ABLIM2: variants seen among roughly 807,000 people sequenced by gnomAD.
The protein encoded by ABLIM2 is actin binding LIM protein family member 2, also known as actin-binding LIM protein 2.
Under a neutral mutation model 97.7 loss-of-function variants are expected in ABLIM2, and 53 were observed. The ratio of observed to expected loss-of-function variants is 0.54; its 90% CI spans 0.44 to 0.68. ABLIM2 has a LOEUF of 0.68. Among genes scored for constraint, ABLIM2 ranks in the 30% least tolerant of loss-of-function variants. ABLIM2 has a pLI of 0.00. For missense variants in ABLIM2, 835 were observed against 867.2 expected (o/e 0.96, Z 0.47); for synonymous variants, 361 against 345.8 (o/e 1.04, Z -0.49).
In ABLIM2 at chr4:8,019,234, A is replaced by G. The variant is rs1265487451; in HGVS notation, c.1423+384T>C. ...CGATTCAAGTTTGTTCTATATTCCA[A>G]AGATCGGGCCTGGATCAGATTGTGG... On this transcript the variant is annotated intron_variant, in intron 14 of 20. Transcript: ENST00000447017. This position sits in a 1 kb window ranked among gnomAD's most constrained non-coding sequence, Gnocchi z 4.3. Among the ~76,000 whole-genome samples the G allele has an allele frequency of 1.3e-5, 2 of 152,208 alleles. No homozygotes were observed. The highest frequency in any genetic ancestry group is 2.9e-5 in the Non-Finnish European group (2 of 68,040).
intron 20 of ABLIM2, among the ~76,000 whole-genome samples, chr4:7,967,844 G>A (rs1724203890): frequency 6.6e-6 from 1 of 152,242 alleles, no homozygotes; most frequent in South Asian, 2.1e-4. Context: ...GGAAGGCGTG[G>A]ACATAGGTCA....
At chr4:8,089,429 G>T (rs567151605) in intron 3 of ABLIM2, among the ~76,000 whole-genome samples, 4 of 152,116 alleles carry the variant, frequency 2.6e-5, no homozygotes, top group Non-Finnish European at 5.9e-5. Flanking sequence ...GTCAGACCAC[G>T]GGTGCCCCTT....
intron 3 of ABLIM2, among the ~76,000 whole-genome samples, chr4:8,096,297 G>A (rs1248483842): frequency 1.3e-5 from 2 of 152,200 alleles, no homozygotes; most frequent in African/African-American, 4.8e-5. Flanking sequence ...ATGCGACCAG[G>A]GCTGTCTGTT....
chr4:8,152,679 G>A (rs542097499), intron 1 of ABLIM2, among the ~76,000 whole-genome samples: 10 of 152,348 alleles, frequency 6.6e-5, no homozygotes, highest in East Asian at 1.9e-4. Flanking sequence ...TCCATCATGC[G>A]GGGATGACTG....
In ABLIM2 at chr4:7,992,821, C is replaced by T. The variant is rs182893687; in HGVS notation, c.1680+45G>A. On this transcript the variant is annotated intron_variant, in intron 17 of 20. Transcript: ENST00000447017. This position sits in a 1 kb window ranked among gnomAD's most constrained non-coding sequence, Gnocchi z 5.7. ...GCTGTGGGAAACGTGCTCAGCCTCACAGCAATCGTTAGTACCCTGTGGCCA... is the reference window on the plus strand; with the variant it reads ...GCTGTGGGAAACGTGCTCAGCCTCATAGCAATCGTTAGTACCCTGTGGCCA... The T allele has an allele frequency of 1.1e-5, 18 of 1,594,158 alleles. No homozygotes were observed. The highest frequency in any genetic ancestry group is 1.5e-5 in the Non-Finnish European group (18 of 1,166,276).
At chr4:8,077,572 G>GC in intron 6 of ABLIM2, 56 bp downstream of exon 6, 1 of 1,466,000 alleles carries the variant, frequency 6.8e-7, no homozygotes, top group Admixed American at 2.0e-5. Context: ...TCAACTCCCA[G>GC]GGGGGCAGTT....
intron 2 of ABLIM2, among the ~76,000 whole-genome samples, chr4:8,099,030 C>A (rs1833134700): frequency 6.6e-6 from 1 of 152,242 alleles, no homozygotes; most frequent in Non-Finnish European, 1.5e-5. Flanking sequence ...TGAGAAACAG[C>A]CAAGGACTCC....
intron 7 of ABLIM2, among the ~76,000 whole-genome samples, chr4:8,056,697 C>G (rs1799380891): frequency 2.0e-5 from 3 of 151,874 alleles, no homozygotes; most frequent in African/African-American, 7.2e-5. Flanking sequence ...CTTTGGGAGG[C>G]TGAGGCAGGC....
Position 8,061,188 on chromosome 4 carries a change from C to T in ABLIM2, c.676-134G>A, listed in dbSNP as rs1580177159. 20 of 766,740 alleles carry T rather than the reference C, an allele frequency of 2.6e-5. No homozygotes were observed. The highest frequency in any genetic ancestry group is 1.0e-4 in the South Asian group (6 of 59,938). 47.5% of individuals were successfully genotyped at this position (766,740 alleles called of 1,614,324 possible). ...TACTGGAAGGGCCAGCCCCCACCAT[C>T]GGGACCCAAGACCCCTGAGCAGAGC... is the stretch of plus-strand genomic sequence containing the variant. On this transcript the variant is annotated intron_variant, in intron 6 of 20. Transcript: ENST00000447017. The surrounding 1 kb of genome is among the most constrained non-coding windows in gnomAD (Gnocchi z 4.5).
intron 20 of ABLIM2, among the ~76,000 whole-genome samples, chr4:7,976,329 C>G (rs1733016401): frequency 6.6e-6 from 1 of 152,198 alleles, no homozygotes; most frequent in South Asian, 2.1e-4. Context: ...AGTCCACAAA[C>G]AGTGTCCAAG....
intron 20 of ABLIM2, among the ~76,000 whole-genome samples, chr4:7,971,974 C>T (rs532878003): frequency 3.9e-5 from 6 of 152,270 alleles, no homozygotes; most frequent in Non-Finnish European, 5.9e-5. Flanking sequence ...TGCATTCCAC[C>T]GGCTCACACT....
At chr4:7,989,591 T>C (rs761820089) in intron 17 of ABLIM2, among the ~76,000 whole-genome samples, 1 of 152,234 alleles carries the variant, frequency 6.6e-6, no homozygotes, top group Non-Finnish European at 1.5e-5. Flanking sequence ...CCCTATTTGA[T>C]ATTACTATTG....
At position 7,986,974 on chromosome 4, in the gene ABLIM2, C is replaced by A. The variant is rs1560434139; in HGVS notation, c.1681-2081G>T. Among the ~76,000 whole-genome samples the A allele has an allele frequency of 6.6e-6, 1 of 152,040 alleles. No individual in the cohort carries two copies. The highest frequency in any genetic ancestry group is 1.5e-5 in the Non-Finnish European group (1 of 68,006). ...GCATAAGCCACTGCGCCCGGTCATG[C>A]AAATAATTTTTAATTTTTTATTTTA... On this transcript the variant is annotated intron_variant, in intron 17 of 20. Coordinates refer to ENST00000447017, the MANE Select transcript of ABLIM2 (RefSeq NM_001130083.2). The surrounding 1 kb of genome is among the most constrained non-coding windows in gnomAD (Gnocchi z 4.3).
chr4:8,091,307 A>G (rs1232835510), intron 3 of ABLIM2, among the ~76,000 whole-genome samples: 1 of 30,170 alleles, frequency 3.3e-5, no homozygotes, highest in Non-Finnish European at 5.6e-5. Flanking sequence ...ATATTATATT[A>G]TATATATATA....
intron 20 of ABLIM2, among the ~76,000 whole-genome samples, chr4:7,980,840 T>C (rs1054476538): frequency 6.6e-5 from 10 of 151,900 alleles, no homozygotes; most frequent in African/African-American, 2.4e-4. Flanking sequence ...TAGCACCTTT[T>C]AAAAGTCCGA....
chr4:7,984,792 C>T (rs751486430), intron 18 of ABLIM2, 47 bp downstream of exon 18: 40 of 1,532,320 alleles, frequency 2.6e-5, no homozygotes, highest in Non-Finnish European at 3.2e-5. Context: ...AATGTGTTAG[C>T]GACCCCTGCC....
At chr4:8,010,840 T>A (rs1402296401) in intron 14 of ABLIM2, 1 of 153,064 alleles carries the variant, frequency 6.5e-6, no homozygotes, top group Admixed American at 6.5e-5. Flanking sequence ...GCGGAGCCCT[T>A]GAGTGTGCAG....
intron 1 of ABLIM2, among the ~76,000 whole-genome samples, chr4:8,142,202 CGGCTCGAGCCCCTCCCAGAGTGTCTGGG>C (rs1224025158): frequency 2.0e-5 from 3 of 152,216 alleles, no homozygotes; most frequent in Non-Finnish European, 2.9e-5. Flanking sequence ...GTCTCCACAT[CGGCTCGAGCCCCTCCCAGAGTGTCTGGG>C]TCTCACAGTC....
chr4:8,017,280 T>TTTATTA (rs751969191), intron 14 of ABLIM2, among the ~76,000 whole-genome samples: 2 of 150,474 alleles, frequency 1.3e-5, no homozygotes, highest in South Asian at 2.1e-4. Context: ...TAATTCCCTA[T>TTTATTA]TTATTATTAT....
Sources: gnomAD v4.1 joint callset for allele counts (sites outside exome capture counted in the v4.1 genomes callset) on GRCh38, gnomAD v4.1.1 for gene constraint, Gnocchi (gnomAD v3.1) non-coding constraint, MANE v1.5 for transcripts, NCBI Gene and HGNC (gene_info 2026-07-23, HGNC 2026-07-21) for gene names.